The following PXK variants were observed in gnomAD, a reference collection of about 807,000 sequenced individuals.
The protein encoded by PXK is PX domain-containing protein kinase-like protein.
In PXK, 35 loss-of-function variants were observed where a neutral mutation model predicts 84.7. The observed-to-expected ratio is 0.41, with a 90% CI of 0.32 to 0.55. The LOEUF (loss-of-function observed/expected upper bound fraction) is 0.55. Ranked by LOEUF, PXK falls within the 20% of genes least tolerant of loss-of-function variation. PXK has a pLI of 0.21. For synonymous variants in PXK, 253 were observed against 260.8 expected (o/e 0.97, Z 0.29); for missense variants, 634 against 699.7 (o/e 0.91, Z 1.06).
At position 58,398,900 on chromosome 3, in the gene PXK, A is replaced by G. The variant is rs2058140158; in HGVS notation, c.1103-399A>G. On this transcript the variant is annotated intron_variant, in intron 11 of 17. Transcript: ENST00000356151. This position sits in a 1 kb window ranked among gnomAD's most constrained non-coding sequence, Gnocchi z 4.5. ...CAAGGTGTTGGATGATGAGATATCA[A>G]CAATTGGCATTTTGTGTGCTGGTTT... Among the ~76,000 whole-genome samples the G allele has an allele frequency of 1.3e-5, 2 of 152,224 alleles. No homozygotes were observed. Among genetic ancestry groups the G allele is most frequent in the South Asian group, 2.1e-4 (1 of 4,832 alleles).
At chr3:58,362,047 A>G (rs1280816626) in intron 1 of PXK, among the ~76,000 whole-genome samples, 2 of 152,196 alleles carry the variant, frequency 1.3e-5, no homozygotes, top group African/African-American at 2.4e-5. Flanking sequence ...TGATAGGTGT[A>G]TAGTGGCCTT....
At position 58,425,158 on chromosome 3, in the gene PXK, C is replaced by A; in HGVS notation, c.*198C>A. 1 of 793,876 alleles carries A rather than the reference C, an allele frequency of 1.3e-6. No homozygotes were observed. The highest frequency in any genetic ancestry group is 1.9e-6 in the Non-Finnish European group (1 of 518,006). 49.2% of individuals were successfully genotyped at this position (793,876 alleles called of 1,614,324 possible). On this transcript the variant is annotated 3_prime_UTR_variant, in exon 18 of 18. Transcript: ENST00000356151. ...AATAAAGTTAGGCTGGCATTGCTCC[C>A]TTAAGATCTTGCTCCTTTATTAACC...
chr3:58,355,385 T>C (rs1044708669), intron 1 of PXK, among the ~76,000 whole-genome samples: 1 of 152,222 alleles, frequency 6.6e-6, no homozygotes, highest in Admixed American at 6.5e-5. Flanking sequence ...ATCTGATAGC[T>C]GTGCCGAAAG....
chr3:58,386,715 A>G (rs939681884), intron 4 of PXK, among the ~76,000 whole-genome samples: 4 of 152,074 alleles, frequency 2.6e-5, no homozygotes, highest in Admixed American at 6.6e-5. Flanking sequence ...TGTCCATGCA[A>G]AAGTCATTTG....
intron 7 of PXK, 143 bp downstream of exon 7, chr3:58,391,990 T>C (rs2098636419): frequency 4.3e-6 from 3 of 692,108 alleles, no homozygotes; most frequent in African/African-American, 1.8e-5. Flanking sequence ...GTAGGGCTAA[T>C]CTCTTAGATC....
chr3:58,412,591 C>G lies in PXK; in HGVS notation c.1466-310C>G, dbSNP rs62258133. ...TGTCATTACCCAGGAGTGGAGGTTG[C>G]GTCAGGAAGAGATACTGCAGCCAAT... is the stretch of plus-strand genomic sequence containing the variant. On this transcript the variant is annotated intron_variant, in intron 16 of 17. Transcript: ENST00000356151. The surrounding 1 kb of genome is among the most constrained non-coding windows in gnomAD (Gnocchi z 6.2). 0.3 allele frequency among the ~76,000 whole-genome samples: 45,028 copies of G among 151,914 alleles called. 7,431 individuals are homozygous for G. The highest frequency in any genetic ancestry group is 0.39 in the Middle Eastern group (115 of 292).
chr3:58,409,735 A>G lies in PXK; in HGVS notation c.1395+117A>G. On this transcript the variant is annotated intron_variant, in intron 15 of 17. Transcript: ENST00000356151. This position sits in a 1 kb window ranked among gnomAD's most constrained non-coding sequence, Gnocchi z 4.2. ...GCTGTGCTATATCTCCTTGAAAGCT[A>G]AGACTATTTCCAGATGACTGGGGTG... The G allele has an allele frequency of 1.2e-6, 1 of 841,888 alleles. No homozygotes were observed. 52.2% of individuals were successfully genotyped at this position (841,888 alleles called of 1,614,324 possible).
rs1032420862 is a variant in PXK at position 58,397,230 on chromosome 3, T to C, written c.984+30T>C. The C allele has an allele frequency of 6.2e-7, 1 of 1,606,386 alleles. No individual in the cohort carries two copies. The highest frequency in any genetic ancestry group is 8.5e-7 in the Non-Finnish European group (1 of 1,173,780). On this transcript the variant is annotated intron_variant, in intron 10 of 17. Coordinates refer to ENST00000356151, the MANE Select transcript of PXK (RefSeq NM_017771.5). This position sits in a 1 kb window ranked among gnomAD's most constrained non-coding sequence, Gnocchi z 4.7. ...GTTGCTAAAGTAATGAAATAGCAGGTTCATTTTTAGGTGTCAGTTATCCCC... is the reference window on the plus strand; with the variant it reads ...GTTGCTAAAGTAATGAAATAGCAGGCTCATTTTTAGGTGTCAGTTATCCCC...
chr3:58,403,432 C>T (rs1280254253), intron 12 of PXK, among the ~76,000 whole-genome samples: 2 of 152,190 alleles, frequency 1.3e-5, no homozygotes, highest in Admixed American at 1.3e-4. Flanking sequence ...TTCCTTTCTA[C>T]TTACTTGAAC....
chr3:58,345,852 A>T (rs1398568324), intron 1 of PXK, among the ~76,000 whole-genome samples: 1 of 152,232 alleles, frequency 6.6e-6, no homozygotes, highest in Non-Finnish European at 1.5e-5. Context: ...TTTAACGTAT[A>T]TATCCTGAAA....
chr3:58,352,139 G>C (rs1229035331), intron 1 of PXK, among the ~76,000 whole-genome samples: 1 of 152,228 alleles, frequency 6.6e-6, no homozygotes, highest in Non-Finnish European at 1.5e-5. Context: ...ACTTGTGGCT[G>C]TGCTATGGAG....
In PXK at chr3:58,425,252, A is replaced by G. The variant is rs879297095; in HGVS notation, c.*292A>G. 2.8e-6 allele frequency: 1 copy of G among 351,148 alleles called. No homozygotes were observed. The highest frequency in any genetic ancestry group is 5.3e-6 in the Non-Finnish European group (1 of 187,762). 21.8% of individuals were successfully genotyped at this position (351,148 alleles called of 1,614,324 possible). A position where few individuals can be genotyped will look rare whatever the true frequency, so the allele number is the denominator to read the frequency against. ...GACAGCAGCATATTGAAATATTTTC[A>G]CCAACTAAAGGAAATAGACAGAAAA... On this transcript the variant is annotated 3_prime_UTR_variant, in exon 18 of 18. Coordinates refer to ENST00000356151, the MANE Select transcript of PXK (RefSeq NM_017771.5).
At chr3:58,358,835 T>G (rs1237819920) in intron 1 of PXK, among the ~76,000 whole-genome samples, 1 of 152,234 alleles carries the variant, frequency 6.6e-6, no homozygotes, top group Non-Finnish European at 1.5e-5. Context: ...CATTTTGGGA[T>G]GTCACAGCCT....
chr3:58,358,777 C>G (rs1464785798), intron 1 of PXK, among the ~76,000 whole-genome samples: 3 of 152,192 alleles, frequency 2.0e-5, no homozygotes, highest in African/African-American at 7.2e-5. Context: ...CTTTTAAGAA[C>G]ACTGACCTAA....
chr3:58,404,189 G>T (rs1162540379), intron 13 of PXK, among the ~76,000 whole-genome samples: 2 of 152,184 alleles, frequency 1.3e-5, no homozygotes, highest in African/African-American at 4.8e-5. Flanking sequence ...CAACATATCT[G>T]TCTAGAAACA....
Position 58,390,676 on chromosome 3 carries a change from C to T in PXK, c.466+17C>T. 1 of 1,604,148 alleles carries T rather than the reference C, an allele frequency of 6.2e-7. No homozygotes were observed. Among genetic ancestry groups the T allele is most frequent in the Non-Finnish European group, 8.5e-7 (1 of 1,173,210 alleles). ...AAGACATAGGTGAGACATTGGCACG[C>T]TCATTCTGTTAAAAAGACAGATCAC... On this transcript the variant is annotated intron_variant, in intron 5 of 17. Coordinates refer to ENST00000356151, the MANE Select transcript of PXK (RefSeq NM_017771.5). The surrounding 1 kb of genome is among the most constrained non-coding windows in gnomAD (Gnocchi z 4.2).
intron 3 of PXK, among the ~76,000 whole-genome samples, chr3:58,375,855 T>G (rs530987463): frequency 6.6e-6 from 1 of 152,346 alleles, no homozygotes; most frequent in East Asian, 1.9e-4. Flanking sequence ...ATTGCTTAAG[T>G]AATTTTCCAT....
At chr3:58,380,986 C>A (rs1057201260) in intron 3 of PXK, among the ~76,000 whole-genome samples, 3 of 152,044 alleles carry the variant, frequency 2.0e-5, no homozygotes, top group African/African-American at 7.2e-5. Flanking sequence ...CGGTGGCTCA[C>A]GCCTGTAATC....
rs11714741 is a variant in PXK at position 58,412,007 on chromosome 3, G to A, written c.1466-894G>A. Among the ~76,000 whole-genome samples, 472 of 152,260 alleles carry A rather than the reference G, an allele frequency of 3.1e-3. 1 individual carries two copies. The highest frequency in any genetic ancestry group is 3.9e-3 in the Non-Finnish European group (267 of 68,016). ...TCCTGTGGGTAGTGAGGGAAGTGAT[G>A]GCTGGGGCCTTAACCACACCAGCTC... On this transcript the variant is annotated intron_variant, in intron 16 of 17. Transcript: ENST00000356151. This position sits in a 1 kb window ranked among gnomAD's most constrained non-coding sequence, Gnocchi z 6.2.
Sources: allele counts gnomAD v4.1 joint callset (sites outside exome capture counted in the v4.1 genomes callset), GRCh38; gene constraint gnomAD v4.1.1; non-coding constraint Gnocchi (gnomAD v3.1); transcripts MANE v1.5; gene names NCBI Gene and HGNC (gene_info 2026-07-23, HGNC 2026-07-21).